The following PHLPP2 variants were observed in gnomAD, a reference collection of about 807,000 sequenced individuals.
The protein encoded by PHLPP2 is PH domain leucine-rich repeat-containing protein phosphatase 2.
A neutral mutation model predicts 124.9 loss-of-function variants in PHLPP2; 66 were observed. The observed-to-expected ratio is 0.53, with a 90% CI of 0.43 to 0.65. PHLPP2 has a LOEUF of 0.65. Among genes scored for constraint, PHLPP2 ranks in the 30% least tolerant of loss-of-function variants. The pLI, the probability that PHLPP2 is intolerant of heterozygous loss-of-function variation, is 0.00. For missense variants in PHLPP2, 1,685 were observed against 1,600.4 expected (o/e 1.05, Z -0.90); for synonymous variants, 681 against 624.7 (o/e 1.09, Z -1.34).
At position 71,648,771 on chromosome 16, in the gene PHLPP2, A is replaced by AAAAC. The variant is rs1214227532; in HGVS notation, c.*115_*118dup. 8.8e-6 allele frequency: 7 copies of AAAAC among 795,774 alleles called. No individual in the cohort carries two copies. Among genetic ancestry groups the AAAAC allele is most frequent in the Admixed American group, 7.0e-5 (3 of 43,118 alleles). The allele number at this position is 795,774 out of a possible 1,614,324, so 49.3% of individuals were successfully genotyped here. A position where few individuals can be genotyped will look rare whatever the true frequency, so the allele number is the denominator to read the frequency against. ...GAGCGACTGAGCAAGACTCCGTCTC[A>AAAAC]AAACAAACAAACAAAAAAAAAACGA... On this transcript the variant is annotated 3_prime_UTR_variant, in exon 19 of 19. Transcript: ENST00000568954.
intron 7 of PHLPP2, 96 bp downstream of exon 7, chr16:71,679,293 T>C: frequency 9.2e-7 from 1 of 1,089,894 alleles, no homozygotes; most frequent in South Asian, 1.3e-5. Flanking sequence ...CATGATATAG[T>C]TCACTGCAAG....
rs1423811174 is a variant in PHLPP2 at position 71,646,885 on chromosome 16, G to C, written c.*2005C>G. 2 of 152,292 alleles carry C rather than the reference G, an allele frequency of 1.3e-5. No individual in the cohort carries two copies. The highest frequency in any genetic ancestry group is 2.4e-5 in the African/African-American group (1 of 41,408). The allele number at this position is 152,292 out of a possible 1,614,324, so 9.4% of individuals were successfully genotyped here. ...TGGGGACTCAAGTTCAGATTCTCGA[G>C]GGGTTGAACATTAGACATCCATTAG... On this transcript the variant is annotated 3_prime_UTR_variant, in exon 19 of 19. Transcript: ENST00000568954.
chr16:71,661,099 C>A (rs1405333144), intron 13 of PHLPP2, among the ~76,000 whole-genome samples: 1 of 146,298 alleles, frequency 6.8e-6, no homozygotes, highest in East Asian at 2.0e-4. Context: ...TAGGGTCCCG[C>A]TCTGTTGCCC....
chr16:71,661,679 C>G (rs775523376), intron 13 of PHLPP2, among the ~76,000 whole-genome samples: 2 of 152,008 alleles, frequency 1.3e-5, no homozygotes, highest in Non-Finnish European at 2.9e-5. Flanking sequence ...TGTTTTAATT[C>G]TTTCAAGGAG....
At chr16:71,693,637 ACTC>A (rs1430560356) in intron 3 of PHLPP2, among the ~76,000 whole-genome samples, 1 of 152,122 alleles carries the variant, frequency 6.6e-6, no homozygotes, top group African/African-American at 2.4e-5. Context: ...TGACGGCTAA[ACTC>A]CTGATGGAGC....
chr16:71,681,010 A>T (rs1294659137), intron 6 of PHLPP2, among the ~76,000 whole-genome samples: 2 of 152,230 alleles, frequency 1.3e-5, no homozygotes, highest in African/African-American at 4.8e-5. Context: ...CATTTTCTGG[A>T]CATTAGAATT....
At chr16:71,697,138 A>G (rs1367153897) in intron 3 of PHLPP2, among the ~76,000 whole-genome samples, 1 of 151,920 alleles carries the variant, frequency 6.6e-6, no homozygotes, top group African/African-American at 2.4e-5. Flanking sequence ...GCACCACTGC[A>G]CTCAAGCCTG....
chr16:71,678,908 G>C lies in PHLPP2; in HGVS notation c.1115C>G (p.Ser372Cys). 4.3e-6 allele frequency: 7 copies of C among 1,612,968 alleles called. No homozygotes were observed. Among genetic ancestry groups the C allele is most frequent in the Admixed American group, 3.3e-5 (2 of 60,012 alleles). The change falls in exon 8 of 19, where the codon TCC becomes TGC. Residue 372 changes from serine (S) to cysteine (C), a missense_variant. Transcript: ENST00000568954. ...AAAGTTGTTGAAGGAAATTCCCAAG[G>C]AGGAAAGCTGTTGTAGATTTCCCAA... ...EELGNLQQLSSLGISFNNFSQ... is the reference protein window; with the variant it reads ...EELGNLQQLSCLGISFNNFSQ...
chr16:71,666,870 T>A (rs1368318891), intron 12 of PHLPP2, among the ~76,000 whole-genome samples: 1 of 152,218 alleles, frequency 6.6e-6, no homozygotes, highest in East Asian at 1.9e-4. Flanking sequence ...ATGTTGTAAT[T>A]TCTCTTTAAA....
chr16:71,722,749 T>C (rs751769985), intron 1 of PHLPP2, among the ~76,000 whole-genome samples: 11 of 152,198 alleles, frequency 7.2e-5, no homozygotes, highest in Non-Finnish European at 1.5e-4. Context: ...TGTAGAACTC[T>C]AGAAGGAATT....
At chr16:71,709,195 C>T (rs2045307204) in intron 2 of PHLPP2, among the ~76,000 whole-genome samples, 1 of 152,060 alleles carries the variant, frequency 6.6e-6, no homozygotes, top group Non-Finnish European at 1.5e-5. Flanking sequence ...TCCCTTTCCC[C>T]TATTCAGTGG....
chr16:71,672,183 T>A, intron 10 of PHLPP2, 79 bp downstream of exon 10: 1 of 949,630 alleles, frequency 1.1e-6, no homozygotes, highest in Non-Finnish European at 1.7e-6. Context: ...AGATTTCTTG[T>A]ACATCAAAAC....
intron 1 of PHLPP2, among the ~76,000 whole-genome samples, chr16:71,718,276 T>C (rs1008185937): frequency 6.6e-6 from 1 of 152,182 alleles, no homozygotes; most frequent in African/African-American, 2.4e-5. Flanking sequence ...TAAGGAACTT[T>C]ACATTATCAA....
chr16:71,660,738 AT>A (rs1284426474), intron 13 of PHLPP2, among the ~76,000 whole-genome samples: 2 of 152,076 alleles, frequency 1.3e-5, no homozygotes, highest in African/African-American at 2.4e-5. Context: ...TTAACAATAT[AT>A]TTTAAAAGTG....
At chr16:71,701,840 T>C (rs1471210870) in intron 3 of PHLPP2, among the ~76,000 whole-genome samples, 1 of 152,202 alleles carries the variant, frequency 6.6e-6, no homozygotes, top group Admixed American at 6.5e-5. Context: ...TTATACTATT[T>C]TATAATTAAA....
At chr16:71,656,114 C>G (rs1173024278) in intron 16 of PHLPP2, among the ~76,000 whole-genome samples, 1 of 152,116 alleles carries the variant, frequency 6.6e-6, no homozygotes. Flanking sequence ...TGAGAGTGCA[C>G]CCCATGGAAC....
chr16:71,651,705 T>C lies in PHLPP2; in HGVS notation c.2817+1085A>G, dbSNP rs371393035. ...TTGTTTCCTTAGATGAACTCTAATA[T>C]AGAATTCTGACAAAACAGCCCAGAA... On this transcript the variant is annotated intron_variant, in intron 18 of 18. Transcript: ENST00000568954. 2.6e-5 allele frequency among the ~76,000 whole-genome samples: 4 copies of C among 152,168 alleles called. No homozygotes were observed. The South Asian group carries it at 6.2e-4, about 24-fold the overall frequency.
chr16:71,658,198 A>C (rs757209988), intron 15 of PHLPP2, 35 bp downstream of exon 15: 6 of 1,596,082 alleles, frequency 3.8e-6, no homozygotes, highest in Non-Finnish European at 5.1e-6. Context: ...GTGGGCTAAG[A>C]GCACATAGAG....
chr16:71,684,041 C>T (rs975154221), intron 5 of PHLPP2, among the ~76,000 whole-genome samples: 4 of 152,014 alleles, frequency 2.6e-5, no homozygotes, highest in African/African-American at 9.7e-5. Context: ...ATCCACCTGC[C>T]CCAGCCTCCC....
Sources: allele counts gnomAD v4.1 joint callset (sites outside exome capture counted in the v4.1 genomes callset), GRCh38; gene constraint gnomAD v4.1.1; transcripts MANE v1.5; gene names NCBI Gene and HGNC (gene_info 2026-07-23, HGNC 2026-07-21).